RBM28: variants seen among roughly 807,000 people sequenced by gnomAD.
RBM28 encodes RNA binding motif protein 28, also known as RNA-binding protein 28.
Under a neutral mutation model 98.3 loss-of-function variants are expected in RBM28, and 78 were observed. The ratio of observed to expected loss-of-function variants is 0.79; its 90% CI spans 0.66 to 0.96. The LOEUF (loss-of-function observed/expected upper bound fraction) is 0.96, where lower values mean the gene tolerates loss of function less well. Among genes scored for constraint, RBM28 ranks in the 40% least tolerant of loss-of-function variants. The pLI is 0.00. For synonymous variants in RBM28, 306 were observed against 330.9 expected (o/e 0.92, Z 0.82); for missense variants, 838 against 913.0 (o/e 0.92, Z 1.06).
rs201001782 is a variant in RBM28 at position 128,330,860 on chromosome 7, T to A, written c.1088A>T (p.Tyr363Phe). 3.0e-4 allele frequency: 488 copies of A among 1,614,024 alleles called. No homozygotes were observed. Among genetic ancestry groups the A allele is most frequent in the Non-Finnish European group, 3.9e-4 (457 of 1,179,990 alleles). ...ELLQQFGELK[Y>F]VRIVLHPDTE... ...GTCTGGATGCAAGACAATGCGGACATATTTGAGTTCTCCAAACTGTTGGAG... is the reference window on the plus strand; with the variant it reads ...GTCTGGATGCAAGACAATGCGGACAAATTTGAGTTCTCCAAACTGTTGGAG... The change falls in exon 10 of 19, where the codon TAT (tyrosine) becomes TTT (phenylalanine). Residue 363 changes from tyrosine to phenylalanine, a missense_variant. Physicochemically the swap from Tyr to Phe is conservative, Grantham distance 22 (BLOSUM62 3). Coordinates refer to ENST00000223073, the MANE Select transcript of RBM28 (RefSeq NM_018077.3).
chr7:128,314,684 C>T, intron 17 of RBM28, 80 bp downstream of exon 17: 1 of 1,600,806 alleles, frequency 6.2e-7, no homozygotes. Flanking sequence ...ACAAATGCCA[C>T]AAAGAGAAAA....
chr7:128,311,329 G>A (rs560770534), intron 18 of RBM28, among the ~76,000 whole-genome samples: 5 of 152,102 alleles, frequency 3.3e-5, no homozygotes, highest in African/African-American at 4.8e-5. Context: ...TACGGTATAC[G>A]TCAGAAACTT....
At position 128,335,847 on chromosome 7, in the gene RBM28, C is replaced by T; in HGVS notation, c.809G>A (p.Arg270Lys). The change falls in exon 7 of 19, where the codon AGA (arginine) becomes AAA (lysine). Residue 270 changes from arginine (R) to lysine (K), a missense_variant and splice_region_variant. Transcript: ENST00000223073. ...TCTCAGAACAGGATGAGCTGCTTAC[C>T]TCTTCTGAATTTGCACAGGCTTGGT... Reference protein sequence around the residue: ...KVTKPVQIQKRAVKRPAPAKS... With the variant: ...KVTKPVQIQKKAVKRPAPAKS... 1 of 1,614,112 alleles carries T rather than the reference C, an allele frequency of 6.2e-7. No individual in the cohort carries two copies. The highest frequency in any genetic ancestry group is 8.5e-7 in the Non-Finnish European group (1 of 1,180,034).
rs1251243016 is a variant in RBM28, at chr7:128,298,503, A to G, written c.*12294T>C. 1.3e-5 allele frequency: 2 copies of G among 152,092 alleles called. No homozygotes were observed. The highest frequency in any genetic ancestry group is 2.9e-5 in the Non-Finnish European group (2 of 68,010). The allele number at this position is 152,092 out of a possible 1,614,324, so 9.4% of individuals were successfully genotyped here. ...GGGTGGGTTCCCCCAATACTTCTGT[A>G]TTTTTCAGATTCTCTTTACTGAGCA... is the stretch of plus-strand genomic sequence containing the variant. On this transcript the variant is annotated 3_prime_UTR_variant, in exon 19 of 19. Transcript: ENST00000223073.
chr7:128,332,343 T>C (rs901904156), intron 9 of RBM28, among the ~76,000 whole-genome samples: 1 of 151,576 alleles, frequency 6.6e-6, no homozygotes, highest in African/African-American at 2.4e-5. Flanking sequence ...ACACAAATTG[T>C]ATAAGAAAAC....
In RBM28 at chr7:128,317,719, C is replaced by T. The variant is rs765780383; in HGVS notation, c.1728G>A (p.Glu576=). Residue 576 remains glutamate, a synonymous_variant, in exon 16 of 19, where the codon GAG becomes GAA. Coordinates refer to ENST00000223073, the MANE Select transcript of RBM28 (RefSeq NM_018077.3). ...IFGPLKRPIV[E]FSLEDRRKLK... is the part of the protein sequence containing the mutation. The stretch of plus-strand genomic sequence containing the variant: ...GTTTTCTTCGATCTTCTAAAGAGAA[C>T]TCCACTATTGGTCTCTGTCAGAGGG... 9 of 1,605,222 alleles carry T rather than the reference C, an allele frequency of 5.6e-6. No individual in the cohort carries two copies. In the South Asian group the frequency reaches 7.7e-5, roughly 14 times the overall value.
chr7:128,335,723 G>A (rs768456245), intron 7 of RBM28, 44 bp from the exon 8 acceptor site: 3 of 1,613,844 alleles, frequency 1.9e-6, no homozygotes, highest in East Asian at 4.5e-5. Context: ...GCTGACAGAG[G>A]GCCTATTCAA....
In RBM28 at chr7:128,321,250, C is replaced by A; in HGVS notation, c.1563+16G>T. 1.9e-6 allele frequency: 3 copies of A among 1,613,942 alleles called. No homozygotes were observed. In the South Asian group the frequency reaches 3.3e-5, roughly 18 times the overall value. Reference sequence around the variant, plus strand: ...ATCAGAATGAAAGCTCCAAAATGGTCAGGGCCACGTCTCACCTCCTTGATG... The same window carrying A: ...ATCAGAATGAAAGCTCCAAAATGGTAAGGGCCACGTCTCACCTCCTTGATG... On this transcript the variant is annotated intron_variant, in intron 14 of 18. Transcript: ENST00000223073.
At chr7:128,325,018 T>C (rs1187755001) in intron 11 of RBM28, among the ~76,000 whole-genome samples, 1 of 151,224 alleles carries the variant, frequency 6.6e-6, no homozygotes, top group Non-Finnish European at 1.5e-5. Flanking sequence ...TCAAAAAAAA[T>C]AAAATAAAAT....
chr7:128,320,498 G>T (rs938265305), intron 14 of RBM28, among the ~76,000 whole-genome samples: 1 of 152,054 alleles, frequency 6.6e-6, no homozygotes, highest in African/African-American at 2.4e-5. Context: ...TACTCACACA[G>T]AGTCTAACCA....
intron 6 of RBM28, among the ~76,000 whole-genome samples, chr7:128,336,647 G>A (rs1472084062): frequency 3.3e-5 from 5 of 152,208 alleles, no homozygotes; most frequent in African/African-American, 1.2e-4. Flanking sequence ...TTGACAAACA[G>A]ACCTGGACTC....
intron 9 of RBM28, 129 bp downstream of exon 9, chr7:128,333,161 T>C: frequency 1.1e-5 from 8 of 744,462 alleles, no homozygotes; most frequent in South Asian, 7.3e-5. Flanking sequence ...GTTTAGTATG[T>C]TCCTGGGACC....
chr7:128,333,793 CTTAA>C (rs368637186), intron 8 of RBM28, among the ~76,000 whole-genome samples: 27 of 152,196 alleles, frequency 1.8e-4, no homozygotes, highest in African/African-American at 6.3e-4. Flanking sequence ...CAAACTCACT[CTTAA>C]TTAAAGAAAA....
chr7:128,318,055 A>T lies in RBM28; in HGVS notation c.1615T>A (p.Ser539Thr), dbSNP rs543277007. The change falls in exon 15 of 19, where the codon TCC becomes ACC. Residue 539 changes from serine (S) to threonine (T), a missense_variant. By Grantham distance (58) the Ser-to-Thr change is moderately conservative. Coordinates refer to ENST00000223073, the MANE Select transcript of RBM28 (RefSeq NM_018077.3). The stretch of plus-strand genomic sequence containing the variant: ...AACTCCGCAAAGGCGTAGCCCAGGG[A>T]CTGACCCTTCATGTTCCCATGAACT... ...KGVHGNMKGQ[S>T]LGYAFAEFQE... is the part of the protein sequence containing the mutation. 1.2e-6 allele frequency: 2 copies of T among 1,613,964 alleles called. No homozygotes were observed. Among genetic ancestry groups the T allele is most frequent in the East Asian group, 4.5e-5 (2 of 44,890 alleles).
At position 128,324,510 on chromosome 7, in the gene RBM28, T is replaced by C. The variant is rs770931449; in HGVS notation, c.1339+49A>G. 5.0e-6 allele frequency: 8 copies of C among 1,612,994 alleles called. No homozygotes were observed. In the Admixed American group the frequency reaches 6.7e-5, roughly 13 times the overall value. On this transcript the variant is annotated intron_variant, in intron 12 of 18. Transcript: ENST00000223073. Reference sequence around the variant, plus strand: ...CATACTATTGCTTGATCAATGATTATGGCACAGGGCCAGGTACTTAGAAGT... The same window carrying C: ...CATACTATTGCTTGATCAATGATTACGGCACAGGGCCAGGTACTTAGAAGT...
chr7:128,334,880 G>A (rs904265091), intron 8 of RBM28, among the ~76,000 whole-genome samples: 1 of 152,180 alleles, frequency 6.6e-6, no homozygotes, highest in Non-Finnish European at 1.5e-5. Context: ...TAAGAAAAGA[G>A]AGACCAGAGT....
At position 128,299,620 on chromosome 7, in the gene RBM28, C is replaced by G. The variant is rs1020126593; in HGVS notation, c.*11177G>C. On this transcript the variant is annotated 3_prime_UTR_variant, in exon 19 of 19. Transcript: ENST00000223073. ...GGAAACCGTTGAATGGGATTTCCAT[C>G]ACATAAAGAACTGGTTATGTAAATT... 1 of 152,206 alleles carries G rather than the reference C, an allele frequency of 6.6e-6. No homozygotes were observed. The highest frequency in any genetic ancestry group is 2.4e-5 in the African/African-American group (1 of 41,442). 9.4% of individuals were successfully genotyped at this position (152,206 alleles called of 1,614,324 possible). A position where few individuals can be genotyped will look rare whatever the true frequency, so the allele number is the denominator to read the frequency against.
intron 10 of RBM28, among the ~76,000 whole-genome samples, chr7:128,330,122 A>G (rs552996585): frequency 1.3e-5 from 2 of 152,178 alleles, no homozygotes; most frequent in East Asian, 3.9e-4. Flanking sequence ...ACACTGCAAC[A>G]GAGTTTTTCT....
At chr7:128,330,182 A>C (rs1796447258) in intron 10 of RBM28, among the ~76,000 whole-genome samples, 1 of 152,126 alleles carries the variant, frequency 6.6e-6, no homozygotes, top group Non-Finnish European at 1.5e-5. Context: ...AGATCCTGGT[A>C]ATTTCAAGCA....
Sources: allele counts gnomAD v4.1 joint callset (sites outside exome capture counted in the v4.1 genomes callset), GRCh38; gene constraint gnomAD v4.1.1; transcripts MANE v1.5; gene names NCBI Gene and HGNC (gene_info 2026-07-23, HGNC 2026-07-21).